Variants in KCNJ16 observed in about 807,000 individuals in gnomAD.
KCNJ16 encodes the protein potassium inwardly rectifying channel subfamily J member 16.
KCNJ16 carries 15 observed loss-of-function variants against 18.5 expected under a neutral mutation model. The ratio of observed to expected loss-of-function variants is 0.81; its 90% CI spans 0.54 to 1.25. The LOEUF (loss-of-function observed/expected upper bound fraction) is 1.25, where lower values mean the gene tolerates loss of function less well. Among genes scored for constraint, KCNJ16 ranks in the 50% most tolerant of loss-of-function variants. KCNJ16 has a pLI of 0.00. For synonymous variants in KCNJ16, 174 were observed against 186.5 expected (o/e 0.93, Z 0.55); for missense variants, 523 against 525.7 (o/e 0.99, Z 0.05).
At chr17:70,098,121 T>C (rs1184522291) in intron 1 of KCNJ16, among the ~76,000 whole-genome samples, 3 of 152,190 alleles carry the variant, frequency 2.0e-5, no homozygotes, top group African/African-American at 7.2e-5. Context: ...GATCCCAGGA[T>C]GCAGCCAAGT....
intron 1 of KCNJ16, among the ~76,000 whole-genome samples, chr17:70,090,775 C>A (rs985886965): frequency 6.6e-6 from 1 of 151,850 alleles, no homozygotes; most frequent in Non-Finnish European, 1.5e-5. Context: ...CTCACAATAC[C>A]GCTAACCCAC....
chr17:70,131,054 G>A lies in KCNJ16; in HGVS notation c.-94+79G>A, dbSNP rs748371997. The A allele has an allele frequency of 1.5e-4, 195 of 1,326,198 alleles. 2 individuals carry two copies. The highest frequency in any genetic ancestry group is 5.3e-4 in the Middle Eastern group (3 of 5,660). 82.2% of individuals were successfully genotyped at this position (1,326,198 alleles called of 1,614,324 possible). A position where few individuals can be genotyped will look rare whatever the true frequency, so the allele number is the denominator to read the frequency against. On this transcript the variant is annotated intron_variant, in intron 3 of 3. Coordinates refer to ENST00000392671, the MANE Select transcript of KCNJ16 (RefSeq NM_170741.4). ...AAAATTATTTTGCCTAAGGATGTCC[G>A]TGAAAGTATCAGGAAAACACTGAAA... is the stretch of plus-strand genomic sequence containing the variant.
intron 2 of KCNJ16, among the ~76,000 whole-genome samples, chr17:70,102,414 G>C (rs2072686210): frequency 6.7e-6 from 1 of 150,128 alleles, no homozygotes; most frequent in Admixed American, 6.6e-5. Flanking sequence ...CTTTAGTAGA[G>C]ACGGGGTTTC....
At chr17:70,119,446 C>T (rs2038925017) in intron 2 of KCNJ16, among the ~76,000 whole-genome samples, 2 of 152,238 alleles carry the variant, frequency 1.3e-5, no homozygotes, top group Admixed American at 6.5e-5. Context: ...GGCTCCACCC[C>T]TGCAGCAGGC....
intron 1 of KCNJ16, among the ~76,000 whole-genome samples, chr17:70,077,993 C>T (rs555823448): frequency 6.6e-6 from 1 of 152,270 alleles, no homozygotes; most frequent in Non-Finnish European, 1.5e-5. Context: ...CTATTTTTAT[C>T]ATCATGCTTT....
intron 1 of KCNJ16, among the ~76,000 whole-genome samples, chr17:70,091,243 T>C (rs950800601): frequency 1.3e-5 from 2 of 152,312 alleles, no homozygotes; most frequent in African/African-American, 4.8e-5. Flanking sequence ...TCTGTCACCA[T>C]TTCCCACTCA....
At chr17:70,102,675 C>T (rs1303468134) in intron 2 of KCNJ16, among the ~76,000 whole-genome samples, 2 of 152,208 alleles carry the variant, frequency 1.3e-5, no homozygotes, top group Non-Finnish European at 2.9e-5. Context: ...TGGACCTCCA[C>T]ATCCTTTCCC....
At chr17:70,127,123 G>A (rs2073881725) in intron 2 of KCNJ16, among the ~76,000 whole-genome samples, 1 of 152,122 alleles carries the variant, frequency 6.6e-6, no homozygotes, top group Non-Finnish European at 1.5e-5. Context: ...TCAGGAGAGG[G>A]GTAAAATCCA....
At chr17:70,131,514 A>G in intron 3 of KCNJ16, 1 of 981,926 alleles carries the variant, frequency 1.0e-6, no homozygotes, top group Non-Finnish European at 1.2e-6. Context: ...ACAATTATGA[A>G]AGTTACATTA....
At chr17:70,095,010 AC>A (rs1174552596) in intron 1 of KCNJ16, among the ~76,000 whole-genome samples, 1 of 152,210 alleles carries the variant, frequency 6.6e-6, no homozygotes, top group Non-Finnish European at 1.5e-5. Context: ...TAACAGACAG[AC>A]TTCTAAGAAA....
chr17:70,127,164 G>T (rs1369910399), intron 2 of KCNJ16, among the ~76,000 whole-genome samples: 1 of 152,182 alleles, frequency 6.6e-6, no homozygotes, highest in African/African-American at 2.4e-5. Flanking sequence ...TAGGGTTAGG[G>T]GTTAGAGCTG....
intron 2 of KCNJ16, chr17:70,128,791 A>T (rs2073950408): frequency 6.6e-6 from 1 of 152,242 alleles, no homozygotes; most frequent in Non-Finnish European, 1.5e-5. Context: ...AGAGCGCGGT[A>T]ACAAACACCA....
chr17:70,133,207 T>C lies in KCNJ16; in HGVS notation c.1120T>C (p.Phe374Leu). ...TSDTKARRRS[F>L]SAVAIVSSCE... ...GGACACCAAGGCGAGACGAAGGTCA[T>C]TTAGTGCAGTTGCCATTGTCAGCAG... is the stretch of plus-strand genomic sequence containing the variant. Residue 374 changes from phenylalanine (F) to leucine (L), a missense_variant, in exon 4 of 4, where the codon TTT becomes CTT. Transcript: ENST00000392671. The C allele has an allele frequency of 1.2e-6, 2 of 1,614,150 alleles. No individual in the cohort carries two copies. Among genetic ancestry groups the C allele is most frequent in the Non-Finnish European group, 1.7e-6 (2 of 1,180,030 alleles).
chr17:70,129,956 A>G (rs140356348), intron 2 of KCNJ16, among the ~76,000 whole-genome samples: 12 of 151,200 alleles, frequency 7.9e-5, no homozygotes, highest in Non-Finnish European at 1.6e-4. Context: ...ATTTTTTGGC[A>G]GAAGAAAAGA....
At chr17:70,111,464 C>T (rs531548343) in intron 2 of KCNJ16, among the ~76,000 whole-genome samples, 14 of 152,192 alleles carry the variant, frequency 9.2e-5, no homozygotes, top group Admixed American at 2.0e-4. Flanking sequence ...AGTTGTACCA[C>T]GCTGAATACT....
intron 2 of KCNJ16, among the ~76,000 whole-genome samples, chr17:70,105,945 C>A (rs920951582): frequency 3.3e-5 from 5 of 152,146 alleles, no homozygotes; most frequent in South Asian, 2.1e-4. Flanking sequence ...TGTTTAAAAT[C>A]CCTCCCCTGC....
intron 2 of KCNJ16, chr17:70,128,015 T>C (rs1222482140): frequency 1.3e-5 from 2 of 152,210 alleles, no homozygotes; most frequent in African/African-American, 2.4e-5. Flanking sequence ...AACCACTGTG[T>C]TGTACCCTCG....
At chr17:70,083,392 T>C (rs953275586) in intron 1 of KCNJ16, among the ~76,000 whole-genome samples, 4 of 151,662 alleles carry the variant, frequency 2.6e-5, no homozygotes, top group South Asian at 2.1e-4. Flanking sequence ...CATATGGATG[T>C]GTATAGTCAA....
chr17:70,117,030 A>T (rs1326764949), intron 2 of KCNJ16, among the ~76,000 whole-genome samples: 2 of 152,232 alleles, frequency 1.3e-5, no homozygotes, highest in Admixed American at 1.3e-4. Context: ...CATTCACAAT[A>T]GCAAAGGCAT....
Sources: gnomAD v4.1 joint callset for allele counts (sites outside exome capture counted in the v4.1 genomes callset) on GRCh38, gnomAD v4.1.1 for gene constraint, MANE v1.5 for transcripts, NCBI Gene and HGNC (gene_info 2026-07-23, HGNC 2026-07-21) for gene names.